HIVEP3: variants seen among roughly 807,000 people sequenced by gnomAD.
HIVEP3 encodes transcription factor HIVEP3.
Under a neutral mutation model 152.8 loss-of-function variants are expected in HIVEP3, and 49 were observed. The observed-to-expected ratio is 0.32, with a 90% CI of 0.26 to 0.41. HIVEP3 has a LOEUF of 0.41. HIVEP3 is among the 10% of genes least tolerant of loss of function. The probability of loss-of-function intolerance (pLI) is 1.00; values close to 1 mark genes in which losing one functional copy is unlikely to be tolerated. For missense variants in HIVEP3, 2,790 were observed against 3,103.3 expected (o/e 0.90, Z 2.40); for synonymous variants, 1,269 against 1,289.0 (o/e 0.98, Z 0.33).
intron 1 of HIVEP3, among the ~76,000 whole-genome samples, chr1:41,926,889 A>G (rs1036758120): frequency 2.0e-5 from 3 of 152,170 alleles, no homozygotes; most frequent in South Asian, 4.1e-4. Context: ...TGGCATATGT[A>G]TATCTTTAAG....
intron 1 of HIVEP3, among the ~76,000 whole-genome samples, chr1:41,787,863 T>C (rs932044778): frequency 2.0e-5 from 3 of 151,896 alleles, no homozygotes; most frequent in Non-Finnish European, 4.4e-5. Flanking sequence ...GGGGAGGGAA[T>C]TTTAGGTGAG....
At chr1:41,925,530 A>T (rs1480770582) in intron 1 of HIVEP3, among the ~76,000 whole-genome samples, 1 of 152,136 alleles carries the variant, frequency 6.6e-6, no homozygotes, top group East Asian at 1.9e-4. Flanking sequence ...GAGGAGGAGG[A>T]AGAAGAGGAA....
chr1:41,665,679 C>T (rs1180868530), intron 2 of HIVEP3, among the ~76,000 whole-genome samples: 2 of 114,592 alleles, frequency 1.7e-5, no homozygotes, highest in African/African-American at 6.5e-5. Flanking sequence ...GGCTAGAATG[C>T]TGAATGCTTG....
At chr1:41,517,627 T>A (rs550882538) in intron 7 of HIVEP3, among the ~76,000 whole-genome samples, 4 of 152,198 alleles carry the variant, frequency 2.6e-5, no homozygotes, top group African/African-American at 9.7e-5. Context: ...CTGCTTTGCT[T>A]GGTGCTGGCG....
intron 2 of HIVEP3, among the ~76,000 whole-genome samples, chr1:41,658,581 C>CA (rs1372326537): frequency 6.6e-6 from 1 of 152,086 alleles, no homozygotes; most frequent in Admixed American, 6.5e-5. Context: ...CTTCACCCCC[C>CA]CCATGAGCCT....
chr1:41,585,689 C>T (rs1218260760), intron 3 of HIVEP3, among the ~76,000 whole-genome samples: 2 of 152,136 alleles, frequency 1.3e-5, no homozygotes, highest in East Asian at 1.9e-4. Context: ...TGGGTCTAAG[C>T]TCTCTAAGCC....
At chr1:41,897,378 G>A (rs1644546209) in intron 1 of HIVEP3, among the ~76,000 whole-genome samples, 1 of 152,136 alleles carries the variant, frequency 6.6e-6, no homozygotes, top group South Asian at 2.1e-4. Context: ...GAATGAAGAG[G>A]TGGAGCCTAT....
intron 1 of HIVEP3, among the ~76,000 whole-genome samples, chr1:41,812,447 AAAC>A (rs1287948118): frequency 6.6e-6 from 1 of 152,132 alleles, no homozygotes; most frequent in African/African-American, 2.4e-5. Flanking sequence ...AAACAAAACA[AAAC>A]AACAACAAAA....
At chr1:42,023,296 C>G (rs1367861885) in intron 1 of HIVEP3, among the ~76,000 whole-genome samples, 2 of 152,208 alleles carry the variant, frequency 1.3e-5, no homozygotes, top group Non-Finnish European at 2.9e-5. Context: ...CATAAGCCAC[C>G]ACACCCGGCC....
intron 5 of HIVEP3, among the ~76,000 whole-genome samples, chr1:41,546,629 A>T (rs1258621403): frequency 1.3e-5 from 2 of 152,260 alleles, no homozygotes; most frequent in Admixed American, 1.3e-4. Flanking sequence ...AGCCATTGGC[A>T]GCAGAGCCAA....
chr1:41,894,879 C>A (rs1273897100), intron 1 of HIVEP3, among the ~76,000 whole-genome samples: 1 of 152,090 alleles, frequency 6.6e-6, no homozygotes, highest in Non-Finnish European at 1.5e-5. Context: ...GATAACCAGG[C>A]CTTACTAAGC....
intron 1 of HIVEP3, among the ~76,000 whole-genome samples, chr1:42,020,742 C>T (rs1025005963): frequency 9.9e-5 from 15 of 152,228 alleles, no homozygotes; most frequent in African/African-American, 2.9e-4. Flanking sequence ...ATGGAGTTTT[C>T]ATTTAATGAG....
At chr1:41,945,167 C>T (rs1361338984) in intron 1 of HIVEP3, among the ~76,000 whole-genome samples, 1 of 152,080 alleles carries the variant, frequency 6.6e-6, no homozygotes, top group Non-Finnish European at 1.5e-5. Flanking sequence ...TCAGAGTCTA[C>T]CTCCCTACCT....
chr1:41,560,222 T>G lies in HIVEP3; in HGVS notation c.5207+15322A>C, dbSNP rs1569904757. 3.3e-5 allele frequency among the ~76,000 whole-genome samples: 5 copies of G among 152,334 alleles called. No individual in the cohort carries two copies. In the South Asian group the frequency reaches 1.0e-3, roughly 32 times the overall value. ...CTGCAACAACTTTGAGACACAGCAC[T>G]ATGATTATTCTCATTTTCTAGATGA... On this transcript the variant is annotated intron_variant, in intron 5 of 8. Coordinates refer to ENST00000372583, the MANE Select transcript of HIVEP3 (RefSeq NM_024503.5).
intron 1 of HIVEP3, among the ~76,000 whole-genome samples, chr1:42,023,872 G>A (rs965912216): frequency 1.3e-5 from 2 of 152,174 alleles, no homozygotes; most frequent in Middle Eastern, 3.4e-3. Flanking sequence ...AGTGATAGTC[G>A]AATTACATAT....
chr1:41,643,890 C>CTTTTTTTTTTTTTT (rs58838768), intron 2 of HIVEP3, among the ~76,000 whole-genome samples: 2 of 71,980 alleles, frequency 2.8e-5, no homozygotes, highest in African/African-American at 6.1e-5. Flanking sequence ...TTCCCATCCT[C>CTTTTTTTTTTTTTT]TTTTTTTTTT....
chr1:41,629,031 G>A, intron 2 of HIVEP3, 84 bp from the exon 3 acceptor site: 1 of 1,050,646 alleles, frequency 9.5e-7, no homozygotes, highest in African/African-American at 1.6e-5. Flanking sequence ...CCTGGTCCCT[G>A]GAGGACACAC....
intron 1 of HIVEP3, among the ~76,000 whole-genome samples, chr1:41,808,593 G>A (rs1358510461): frequency 6.6e-6 from 1 of 152,204 alleles, no homozygotes; most frequent in African/African-American, 2.4e-5. Context: ...TAAATGTCCT[G>A]ACCTGCACAC....
intron 2 of HIVEP3, among the ~76,000 whole-genome samples, chr1:41,656,507 G>A (rs143345518): frequency 6.6e-6 from 1 of 152,276 alleles, no homozygotes; most frequent in African/African-American, 2.4e-5. Context: ...ACACGTACGT[G>A]CTTATTACCT....
Sources: allele counts gnomAD v4.1 joint callset (sites outside exome capture counted in the v4.1 genomes callset), GRCh38; gene constraint gnomAD v4.1.1; transcripts MANE v1.5; gene names NCBI Gene and HGNC (gene_info 2026-07-23, HGNC 2026-07-21).